ITGB3: variants seen among roughly 807,000 people sequenced by gnomAD.
ITGB3 encodes integrin beta-3.
Under a neutral mutation model 85.8 loss-of-function variants are expected in ITGB3, and 48 were observed. The observed-to-expected ratio is 0.56, with a 90% CI of 0.44 to 0.71. ITGB3 has a LOEUF of 0.71. Ranked by LOEUF, ITGB3 falls within the 30% of genes least tolerant of loss-of-function variation. The pLI, the probability that ITGB3 is intolerant of heterozygous loss-of-function variation, is 0.00. For missense variants in ITGB3, 861 were observed against 1,019.1 expected, an observed-to-expected ratio of 0.84 and a Z score of 2.11; for synonymous variants, 363 against 395.6, an observed-to-expected ratio of 0.92 and a Z score of 0.98.
At chr17:47,255,065 G>A (rs1289158149) in intron 1 of ITGB3, among the ~76,000 whole-genome samples, 3 of 152,060 alleles carry the variant, frequency 2.0e-5, no homozygotes, top group African/African-American at 7.2e-5. Flanking sequence ...TGCAACTTCT[G>A]CCTCCTGGGT....
intron 1 of ITGB3, among the ~76,000 whole-genome samples, chr17:47,273,599 G>A (rs915932533): frequency 7.2e-5 from 11 of 152,168 alleles, no homozygotes; most frequent in African/African-American, 2.4e-4. Flanking sequence ...GTTCACATTT[G>A]AATAGCACCT....
intron 1 of ITGB3, among the ~76,000 whole-genome samples, chr17:47,265,725 A>G (rs1168349843): frequency 6.6e-6 from 1 of 152,224 alleles, no homozygotes; most frequent in Non-Finnish European, 1.5e-5. Flanking sequence ...ACATTTTAAT[A>G]TTGGTGGAGG....
At chr17:47,257,783 C>T (rs1053111371) in intron 1 of ITGB3, among the ~76,000 whole-genome samples, 24 of 152,048 alleles carry the variant, frequency 1.6e-4, no homozygotes, top group Non-Finnish European at 3.4e-4. Flanking sequence ...GCCTTTTTTT[C>T]CCTCCTGGGA....
At chr17:47,283,672 A>G in intron 3 of ITGB3, 123 bp downstream of exon 3, 1 of 914,918 alleles carries the variant, frequency 1.1e-6, no homozygotes, top group Admixed American at 1.9e-5. Context: ...GAAGACAAGG[A>G]TGAGGGGGGA....
In ITGB3 at chr17:47,286,220, A is replaced by G. The variant is rs752338828; in HGVS notation, c.615-40A>G. On this transcript the variant is annotated intron_variant, in intron 4 of 14. Coordinates refer to ENST00000559488, the MANE Select transcript of ITGB3 (RefSeq NM_000212.3). ...TCCCAATTCCCATGCTGCCTTTTCC[A>G]TGAAGGTGTCTGCTTAAATTATCTC... The G allele has an allele frequency of 1.4e-5, 23 of 1,612,054 alleles. No individual in the cohort carries two copies. In the Middle Eastern group the frequency reaches 4.9e-4, roughly 35 times the overall value.
intron 7 of ITGB3, 150 bp from the exon 8 acceptor site, chr17:47,290,035 C>A: frequency 1.3e-6 from 1 of 758,604 alleles, no homozygotes; most frequent in Non-Finnish European, 2.3e-6. Context: ...GGCTGAAAAA[C>A]TGCTAGATAT....
chr17:47,290,548 G>A (rs184639315), intron 8 of ITGB3, among the ~76,000 whole-genome samples: 1 of 152,314 alleles, frequency 6.6e-6, no homozygotes, highest in East Asian at 1.9e-4. Flanking sequence ...AATTGTGGGG[G>A]CAGAGTGAGG....
intron 5 of ITGB3, among the ~76,000 whole-genome samples, 173 bp from the exon 6 acceptor site, chr17:47,286,897 A>G (rs1239996408): frequency 1.3e-5 from 2 of 152,198 alleles, no homozygotes; most frequent in Non-Finnish European, 2.9e-5. Context: ...AAACTCCTGA[A>G]CTGGAAAGCT....
chr17:47,280,378 G>GT (rs746741072), intron 2 of ITGB3, among the ~76,000 whole-genome samples: 4 of 152,068 alleles, frequency 2.6e-5, no homozygotes, highest in Non-Finnish European at 5.9e-5. Context: ...TTGTTTTGAG[G>GT]TGGGGTCTCA....
At chr17:47,265,994 A>G (rs2143045473) in intron 1 of ITGB3, among the ~76,000 whole-genome samples, 1 of 152,350 alleles carries the variant, frequency 6.6e-6, no homozygotes, top group Admixed American at 6.5e-5. Context: ...AGCTGATGCT[A>G]CATTTAAGGA....
At position 47,286,296 on chromosome 17, in the gene ITGB3, A is replaced by T; in HGVS notation, c.651A>T (p.Lys217Asn). 6.2e-7 allele frequency: 1 copy of T among 1,614,168 alleles called. No homozygotes were observed. Among genetic ancestry groups the T allele is most frequent in the Non-Finnish European group, 8.5e-7 (1 of 1,180,040 alleles). Residue 217 changes from lysine to asparagine, a missense_variant, in exon 5 of 15, where the codon AAA becomes AAT. Lys to Asn is a moderately conservative substitution (Grantham distance 94). Transcript: ENST00000559488. ...KTTCLPMFGY[K>N]HVLTLTDQVT... ...CCTGCTTGCCCATGTTTGGCTACAAACACGTGCTGACGCTAACTGACCAGG... is the reference window on the plus strand; with the variant it reads ...CCTGCTTGCCCATGTTTGGCTACAATCACGTGCTGACGCTAACTGACCAGG...
chr17:47,257,211 C>T (rs1334353828), intron 1 of ITGB3, among the ~76,000 whole-genome samples: 1 of 152,236 alleles, frequency 6.6e-6, no homozygotes, highest in East Asian at 1.9e-4. Flanking sequence ...TGCATATGCG[C>T]TATGCAGGCT....
At chr17:47,310,027 T>G in intron 14 of ITGB3, 112 bp from the exon 15 acceptor site, 1 of 832,808 alleles carries the variant, frequency 1.2e-6, no homozygotes, top group Non-Finnish European at 2.1e-6. Flanking sequence ...TCATTGATGA[T>G]GTATTCCAGA....
At position 47,310,170 on chromosome 17, in the gene ITGB3, C is replaced by T. The variant is rs755385732; in HGVS notation, c.2333C>T (p.Ser778Phe). 2 of 1,614,096 alleles carry T rather than the reference C, an allele frequency of 1.2e-6. No homozygotes were observed. The highest frequency in any genetic ancestry group is 2.2e-5 in the South Asian group (2 of 91,070). Residue 778 changes from serine to phenylalanine, a missense_variant, in exon 15 of 15, where the codon TCT (serine) becomes TTT (phenylalanine). Transcript: ENST00000559488. ...ANNPLYKEAT[S>F]TFTNITYRGT ...AACCCACTGTATAAAGAGGCCACGT[C>T]TACCTTCACCAATATCACGTACCGG...
At position 47,265,932 on chromosome 17, in the gene ITGB3, G is replaced by A. The variant is rs574761276; in HGVS notation, c.80-8487G>A. On this transcript the variant is annotated intron_variant, in intron 1 of 14. Transcript: ENST00000559488. ...CTTTTTGCTCAGAGCACAGAGGTAT[G>A]TGTTACCCTAAACTCCACCTCCCTG... Among the ~76,000 whole-genome samples, 142 of 152,326 alleles carry A rather than the reference G, an allele frequency of 9.3e-4. 3 individuals carry two copies. In the South Asian group the frequency reaches 0.027, roughly 29 times the overall value.
chr17:47,268,797 T>C (rs1254238417), intron 1 of ITGB3, among the ~76,000 whole-genome samples: 1 of 152,188 alleles, frequency 6.6e-6, no homozygotes, highest in Admixed American at 6.5e-5. Flanking sequence ...TGCTCACAGC[T>C]CCACTAGGCA....
intron 1 of ITGB3, among the ~76,000 whole-genome samples, chr17:47,260,502 C>T (rs543146621): frequency 6.6e-6 from 1 of 152,326 alleles, no homozygotes; most frequent in Non-Finnish European, 1.5e-5. Flanking sequence ...ATTCAGTAGC[C>T]ACTTAAAAAG....
intron 13 of ITGB3, 74 bp downstream of exon 13, chr17:47,302,914 C>G (rs2065172820): frequency 6.4e-7 from 1 of 1,563,864 alleles, no homozygotes; most frequent in Non-Finnish European, 8.8e-7. Flanking sequence ...GGAATCTCTA[C>G]TCATCGAAGC....
At chr17:47,297,523 G>T (rs1253837118) in intron 10 of ITGB3, among the ~76,000 whole-genome samples, 3 of 152,112 alleles carry the variant, frequency 2.0e-5, no homozygotes, top group African/African-American at 7.2e-5. Context: ...GGGCATGGTG[G>T]TGCATGCCTG....
Sources: allele counts gnomAD v4.1 joint callset (sites outside exome capture counted in the v4.1 genomes callset), GRCh38; gene constraint gnomAD v4.1.1; transcripts MANE v1.5; gene names NCBI Gene and HGNC (gene_info 2026-07-23, HGNC 2026-07-21).